Variants in CSMD1 observed in about 807,000 individuals in gnomAD.
The protein encoded by CSMD1 is CUB and sushi domain-containing protein 1.
CSMD1 carries 213 observed loss-of-function variants against 417.5 expected under a neutral mutation model. The observed-to-expected ratio is 0.51, with a 90% CI of 0.46 to 0.57. The LOEUF (loss-of-function observed/expected upper bound fraction) is 0.57. Ranked by LOEUF, CSMD1 falls within the 20% of genes least tolerant of loss-of-function variation. CSMD1 has a pLI of 0.00. For synonymous variants in CSMD1, 2,862 were observed against 1,736.8 expected, an observed-to-expected ratio of 1.65 and a Z score of -16.11; for missense variants, 6,923 against 4,529.7, an observed-to-expected ratio of 1.53 and a Z score of -15.17.
intron 7 of CSMD1, among the ~76,000 whole-genome samples, chr8:3,684,305 T>C (rs1012685412): frequency 6.9e-6 from 1 of 145,138 alleles, no homozygotes; most frequent in African/African-American, 2.5e-5. Context: ...AAATTATATA[T>C]TATATAAAAT....
intron 3 of CSMD1, among the ~76,000 whole-genome samples, chr8:4,172,071 C>G (rs894540762): frequency 9.2e-5 from 14 of 152,036 alleles, no homozygotes; most frequent in African/African-American, 3.4e-4. Flanking sequence ...GTATCTCTTT[C>G]TCAGGGGAAG....
intron 1 of CSMD1, among the ~76,000 whole-genome samples, chr8:4,711,203 G>C (rs751264952): frequency 6.6e-6 from 1 of 150,998 alleles, no homozygotes; most frequent in South Asian, 2.1e-4. Flanking sequence ...ACTTGGAAAG[G>C]CAAATTTGAA....
chr8:4,120,834 A>C (rs1403304492), intron 3 of CSMD1, among the ~76,000 whole-genome samples: 1 of 152,198 alleles, frequency 6.6e-6, no homozygotes, highest in Non-Finnish European at 1.5e-5. Flanking sequence ...AAAACAAAGG[A>C]GGGAGAAGTC....
chr8:3,639,504 A>G (rs1424918900), intron 7 of CSMD1, among the ~76,000 whole-genome samples: 3 of 152,220 alleles, frequency 2.0e-5, no homozygotes, highest in African/African-American at 7.2e-5. Flanking sequence ...GCACTAAATG[A>G]CAGTAAAAGA....
chr8:4,686,834 G>A (rs1437346903), intron 1 of CSMD1, among the ~76,000 whole-genome samples: 1 of 152,204 alleles, frequency 6.6e-6, no homozygotes, highest in Non-Finnish European at 1.5e-5. Context: ...AAGATGCAAT[G>A]AGCTGCAGGG....
At chr8:3,224,173 G>A (rs1257766812) in intron 27 of CSMD1, among the ~76,000 whole-genome samples, 2 of 152,080 alleles carry the variant, frequency 1.3e-5, no homozygotes, top group Non-Finnish European at 2.9e-5. Flanking sequence ...TTAAATGAAA[G>A]ATGACTTAAT....
chr8:4,216,965 T>C (rs1312475254), intron 3 of CSMD1, among the ~76,000 whole-genome samples: 2 of 152,180 alleles, frequency 1.3e-5, no homozygotes, highest in Non-Finnish European at 2.9e-5. Context: ...ATGGCTGTCC[T>C]AGGATAGGTC....
intron 1 of CSMD1, among the ~76,000 whole-genome samples, chr8:4,679,462 A>C (rs530191765): frequency 6.6e-6 from 1 of 152,066 alleles, no homozygotes; most frequent in Admixed American, 6.5e-5. Flanking sequence ...AGTCATCCTC[A>C]CTCCCTCTAT....
At chr8:4,008,799 A>T (rs943300228) in intron 4 of CSMD1, among the ~76,000 whole-genome samples, 2 of 151,114 alleles carry the variant, frequency 1.3e-5, no homozygotes, top group Admixed American at 1.3e-4. Context: ...TTTGGTAGAG[A>T]CGGGATTTCA....
intron 3 of CSMD1, among the ~76,000 whole-genome samples, chr8:4,148,769 C>T (rs139932774): frequency 1.1e-3 from 169 of 152,196 alleles, no homozygotes; most frequent in African/African-American, 3.8e-3. Context: ...ATGCCATCAC[C>T]CTGAGTTTAG....
intron 1 of CSMD1, among the ~76,000 whole-genome samples, chr8:4,812,111 T>G (rs1798942609): frequency 6.6e-6 from 1 of 152,162 alleles, no homozygotes; most frequent in Non-Finnish European, 1.5e-5. Flanking sequence ...GACAGGAGTC[T>G]CAGGAATGAG....
intron 25 of CSMD1, 141 bp downstream of exon 25, chr8:3,307,554 A>C: frequency 2.0e-6 from 2 of 1,014,642 alleles, no homozygotes; most frequent in Non-Finnish European, 2.8e-6. Context: ...TGAGCCAACA[A>C]AACTTTTAGC....
At chr8:3,169,697 C>T (rs1239274676) in intron 37 of CSMD1, among the ~76,000 whole-genome samples, 4 of 150,824 alleles carry the variant, frequency 2.7e-5, no homozygotes, top group Admixed American at 6.6e-5. Context: ...CTGAGGAGCC[C>T]GCTGAGTCTA....
chr8:4,341,175 T>A (rs575603521), intron 3 of CSMD1, among the ~76,000 whole-genome samples: 1 of 152,124 alleles, frequency 6.6e-6, no homozygotes. Context: ...GTTGATCATC[T>A]ATATTTGGGG....
At chr8:3,354,929 A>ATATCTATATC (rs1554523471) in intron 21 of CSMD1, among the ~76,000 whole-genome samples, 60 of 149,690 alleles carry the variant, frequency 4.0e-4, no homozygotes, top group African/African-American at 4.7e-4. Flanking sequence ...CTATCTATAG[A>ATATCTATATC]TATAGATATA....
chr8:3,909,293 T>C (rs1405294476), intron 5 of CSMD1, among the ~76,000 whole-genome samples: 44 of 152,116 alleles, frequency 2.9e-4, no homozygotes, highest in Admixed American at 2.9e-3. Flanking sequence ...CTCATTGAAG[T>C]CTGTAACTTT....
intron 1 of CSMD1, among the ~76,000 whole-genome samples, chr8:4,821,072 T>C (rs1171744441): frequency 6.6e-6 from 1 of 151,920 alleles, no homozygotes; most frequent in African/African-American, 2.4e-5. Context: ...GGGAAAGAGA[T>C]CTTCCTTAAG....
At chr8:4,451,168 AAT>A (rs1799121851) in intron 2 of CSMD1, among the ~76,000 whole-genome samples, 1 of 151,886 alleles carries the variant, frequency 6.6e-6, no homozygotes, top group South Asian at 2.1e-4. Flanking sequence ...TCTCTATCAA[AAT>A]AATATAAAAA....
intron 1 of CSMD1, among the ~76,000 whole-genome samples, chr8:4,835,541 G>A (rs1039154627): frequency 6.6e-6 from 1 of 152,164 alleles, no homozygotes; most frequent in South Asian, 2.1e-4. Context: ...TCAGCAACCT[G>A]AGGGTGGTTA....
Sources: gnomAD v4.1 joint callset for allele counts (sites outside exome capture counted in the v4.1 genomes callset) on GRCh38, gnomAD v4.1.1 for gene constraint, MANE v1.5 for transcripts, NCBI Gene and HGNC (gene_info 2026-07-23, HGNC 2026-07-21) for gene names.